TNNI3K: variants seen among roughly 807,000 people sequenced by gnomAD.
TNNI3K encodes the protein serine/threonine-protein kinase TNNI3K.
TNNI3K carries 140 observed loss-of-function variants against 114.5 expected under a neutral mutation model. That is an observed-to-expected ratio of 1.22 (90% CI 1.07 to 1.41). The LOEUF (loss-of-function observed/expected upper bound fraction) is 1.41, where lower values mean the gene tolerates loss of function less well. TNNI3K is among the 40% of genes most tolerant of loss of function. The pLI, the probability that TNNI3K is intolerant of heterozygous loss-of-function variation, is 0.00. For synonymous variants in TNNI3K, 347 were observed against 347.5 expected (o/e 1.00, Z 0.02); for missense variants, 1,125 against 1,007.6 (o/e 1.12, Z -1.58).
intron 9 of TNNI3K, among the ~76,000 whole-genome samples, chr1:74,345,555 G>A (rs1412582267): frequency 4.6e-5 from 7 of 152,116 alleles, no homozygotes. Flanking sequence ...CTTAGGCAAG[G>A]CCATCCCAGG....
At chr1:74,519,776 T>G (rs1646404197) in intron 23 of TNNI3K, among the ~76,000 whole-genome samples, 2 of 152,264 alleles carry the variant, frequency 1.3e-5, no homozygotes, top group Admixed American at 1.3e-4. Flanking sequence ...GAAGATATGT[T>G]ATAGTCAAGC....
At chr1:74,419,574 T>C (rs1665295960) in intron 17 of TNNI3K, among the ~76,000 whole-genome samples, 1 of 152,106 alleles carries the variant, frequency 6.6e-6, no homozygotes, top group African/African-American at 2.4e-5. Context: ...TGTGTGTTTG[T>C]GATGTGTGTA....
intron 20 of TNNI3K, among the ~76,000 whole-genome samples, chr1:74,454,204 T>G (rs542304500): frequency 6.6e-6 from 1 of 152,294 alleles, no homozygotes; most frequent in African/African-American, 2.4e-5. Flanking sequence ...CATTTATCAT[T>G]TCTTTGGATT....
At chr1:74,493,033 T>C (rs1456458483) in intron 23 of TNNI3K, among the ~76,000 whole-genome samples, 1 of 152,192 alleles carries the variant, frequency 6.6e-6, no homozygotes, top group Non-Finnish European at 1.5e-5. Flanking sequence ...ATCAGGGCTT[T>C]ACATTTATGA....
At chr1:74,394,415 G>C (rs1354232424) in intron 17 of TNNI3K, among the ~76,000 whole-genome samples, 1 of 152,074 alleles carries the variant, frequency 6.6e-6, no homozygotes, top group Admixed American at 6.5e-5. Context: ...ACTATATGAA[G>C]GAAATAATGT....
intron 5 of TNNI3K, among the ~76,000 whole-genome samples, chr1:74,286,618 G>C (rs1389141878): frequency 1.3e-5 from 2 of 151,668 alleles, no homozygotes; most frequent in African/African-American, 2.4e-5. Context: ...GACCCCTGTG[G>C]ACTTAGGCAC....
intron 7 of TNNI3K, 145 bp downstream of exon 7, chr1:74,336,294 T>A: frequency 9.3e-7 from 1 of 1,080,892 alleles, no homozygotes; most frequent in Non-Finnish European, 1.2e-6. Context: ...AATTCATCTT[T>A]AATATATTTA....
At chr1:74,388,850 C>A (rs571481221) in intron 17 of TNNI3K, among the ~76,000 whole-genome samples, 109 of 152,314 alleles carry the variant, frequency 7.2e-4, no homozygotes, top group South Asian at 1.2e-3. Context: ...TGTCTCCCCA[C>A]CTCCAGGTTT....
chr1:74,489,693 A>G (rs188596799), intron 22 of TNNI3K, among the ~76,000 whole-genome samples: 2 of 152,274 alleles, frequency 1.3e-5, no homozygotes, highest in African/African-American at 2.4e-5. Flanking sequence ...TTCACACCAC[A>G]TATATGTTGC....
At chr1:74,440,785 G>T (rs761354446) in intron 20 of TNNI3K, among the ~76,000 whole-genome samples, 12 of 152,084 alleles carry the variant, frequency 7.9e-5, no homozygotes, top group Non-Finnish European at 1.8e-4. Context: ...TACCAACATT[G>T]CCATTTGTAA....
rs1476969516 is a variant in TNNI3K, at chr1:74,518,687, T to TG, written c.2352-21547_2352-21546insG. ...AGTGTTTTCAAAACAATATCTGTTT[T>TG]TTAAGCTCAAAATTATTATATTAGT... On this transcript the variant is annotated intron_variant, in intron 23 of 24. Coordinates refer to ENST00000326637, the MANE Select transcript of TNNI3K (RefSeq NM_015978.3). Among the ~76,000 whole-genome samples, 42 of 152,274 alleles carry TG rather than the reference T, an allele frequency of 2.8e-4. 1 individual carries two copies. In the South Asian group the frequency reaches 4.8e-3, roughly 17 times the overall value.
intron 2 of TNNI3K, among the ~76,000 whole-genome samples, chr1:74,236,653 A>T (rs1165525620): frequency 6.6e-6 from 1 of 151,790 alleles, no homozygotes; most frequent in African/African-American, 2.4e-5. Context: ...TGACATTGAA[A>T]GGCTGTCCCT....
intron 23 of TNNI3K, among the ~76,000 whole-genome samples, chr1:74,531,103 C>A (rs140859653): frequency 1.1e-4 from 16 of 152,174 alleles, no homozygotes; most frequent in African/African-American, 3.6e-4. Context: ...TCTTTCAGTT[C>A]TTTTATAGCC....
chr1:74,524,656 T>C (rs1646478423), intron 23 of TNNI3K, among the ~76,000 whole-genome samples: 2 of 116,894 alleles, frequency 1.7e-5, no homozygotes, highest in African/African-American at 5.2e-5. Context: ...ACTTTTAGGT[T>C]CTGGAGATAC....
chr1:74,429,879 A>C (rs1665811011), intron 17 of TNNI3K, among the ~76,000 whole-genome samples: 1 of 152,114 alleles, frequency 6.6e-6, no homozygotes, highest in Admixed American at 6.6e-5. Context: ...ATCAGAAAAC[A>C]GTGGCTTATA....
chr1:74,254,177 C>G (rs1273873252), intron 4 of TNNI3K, among the ~76,000 whole-genome samples: 1 of 151,968 alleles, frequency 6.6e-6, no homozygotes, highest in Non-Finnish European at 1.5e-5. Context: ...TTTTTAGAAC[C>G]ATTTGACAGT....
intron 9 of TNNI3K, among the ~76,000 whole-genome samples, chr1:74,344,182 G>T (rs1033227822): frequency 3.9e-5 from 6 of 152,188 alleles, no homozygotes; most frequent in Non-Finnish European, 5.9e-5. Context: ...TACATTTCCA[G>T]ATTTTTCTTG....
chr1:74,296,608 A>G (rs931437240), intron 5 of TNNI3K, among the ~76,000 whole-genome samples: 7 of 152,006 alleles, frequency 4.6e-5, no homozygotes, highest in Admixed American at 1.3e-4. Context: ...CCTTTAATGC[A>G]CATATACTGG....
At chr1:74,418,100 T>G in intron 17 of TNNI3K, 1 of 422,396 alleles carries the variant, frequency 2.4e-6, no homozygotes, top group Non-Finnish European at 4.7e-6. Flanking sequence ...CAAGTAAACA[T>G]GTTATATGGG....
Sources: allele counts gnomAD v4.1 joint callset (sites outside exome capture counted in the v4.1 genomes callset), GRCh38; gene constraint gnomAD v4.1.1; transcripts MANE v1.5; gene names NCBI Gene and HGNC (gene_info 2026-07-23, HGNC 2026-07-21).